The following SGCZ variants were observed in gnomAD, a reference collection of about 807,000 sequenced individuals.
SGCZ encodes the protein zeta-sarcoglycan.
SGCZ carries 40 observed loss-of-function variants against 41.3 expected under a neutral mutation model. That is an observed-to-expected ratio of 0.97 (90% CI 0.75 to 1.26). The LOEUF (loss-of-function observed/expected upper bound fraction) is 1.26, where lower values mean the gene tolerates loss of function less well. Among genes scored for constraint, SGCZ ranks in the 50% most tolerant of loss-of-function variants. SGCZ has a pLI of 0.00. For synonymous variants in SGCZ, 206 were observed against 137.5 expected (o/e 1.50, Z -3.49); for missense variants, 552 against 369.8 (o/e 1.49, Z -4.04).
chr8:14,822,280 A>G (rs1216395666), intron 1 of SGCZ, among the ~76,000 whole-genome samples: 1 of 152,160 alleles, frequency 6.6e-6, no homozygotes, highest in African/African-American at 2.4e-5. Context: ...AACTTATCCA[A>G]GGAGGTGAAA....
intron 1 of SGCZ, among the ~76,000 whole-genome samples, chr8:15,216,098 A>G (rs751408404): frequency 5.9e-5 from 9 of 152,050 alleles, no homozygotes; most frequent in African/African-American, 1.9e-4. Context: ...TCTGATACCC[A>G]TTACTATTAA....
intron 1 of SGCZ, among the ~76,000 whole-genome samples, chr8:14,760,042 T>G (rs1244656100): frequency 6.6e-6 from 1 of 152,204 alleles, no homozygotes; most frequent in African/African-American, 2.4e-5. Flanking sequence ...CTATTCTAAA[T>G]GCACAATTCC....
At chr8:14,500,135 G>A (rs1001843661) in intron 2 of SGCZ, among the ~76,000 whole-genome samples, 1 of 152,078 alleles carries the variant, frequency 6.6e-6, no homozygotes, top group Non-Finnish European at 1.5e-5. Context: ...CTTGGGCTGG[G>A]TAAAACTGCT....
intron 2 of SGCZ, among the ~76,000 whole-genome samples, chr8:14,399,576 C>A (rs1799016496): frequency 6.6e-6 from 1 of 152,112 alleles, no homozygotes; most frequent in African/African-American, 2.4e-5. Context: ...TTCCTTTAGA[C>A]AGACATTCTG....
chr8:15,097,971 T>C (rs1159015013), intron 1 of SGCZ, among the ~76,000 whole-genome samples: 2 of 150,266 alleles, frequency 1.3e-5, no homozygotes, highest in Non-Finnish European at 3.0e-5. Flanking sequence ...GAACTGGGTA[T>C]TGCTCTAGCA....
At chr8:14,156,741 A>G (rs1265344597) in intron 5 of SGCZ, among the ~76,000 whole-genome samples, 3 of 152,282 alleles carry the variant, frequency 2.0e-5, no homozygotes, top group East Asian at 3.9e-4. Flanking sequence ...CTAAACACCA[A>G]GAAAATACCC....
intron 3 of SGCZ, among the ~76,000 whole-genome samples, chr8:14,307,625 A>G (rs559414077): frequency 6.6e-6 from 1 of 152,168 alleles, no homozygotes; most frequent in Non-Finnish European, 1.5e-5. Flanking sequence ...GATGCTTGGT[A>G]TAAGAATTTT....
intron 2 of SGCZ, among the ~76,000 whole-genome samples, chr8:14,548,884 G>A (rs184680215): frequency 1.3e-4 from 20 of 152,160 alleles, no homozygotes; most frequent in East Asian, 9.7e-4. Context: ...GGTATTTGGC[G>A]GGAATTATGT....
At chr8:15,176,585 G>T (rs570834535) in intron 1 of SGCZ, among the ~76,000 whole-genome samples, 1 of 152,282 alleles carries the variant, frequency 6.6e-6, no homozygotes, top group Admixed American at 6.5e-5. Flanking sequence ...ATTATTTTAT[G>T]ATCAAACTCA....
At chr8:14,997,734 C>T (rs145203487) in intron 1 of SGCZ, among the ~76,000 whole-genome samples, 3,322 of 152,178 alleles carry the variant, frequency 0.022, 137 homozygotes, top group African/African-American at 0.075. Context: ...CCAAGGCAGG[C>T]GGACCACTTG....
rs138320875 is a variant in SGCZ, at chr8:14,934,430, A to T, written c.39+303155T>A. On this transcript the variant is annotated intron_variant, in intron 1 of 7. Coordinates refer to ENST00000382080, the MANE Select transcript of SGCZ (RefSeq NM_139167.4). ...GATTATTGAGCAAAGACCAAAGGGA[A>T]CTTCTAGTAATGAAAAAGTAGATTA... is the stretch of plus-strand genomic sequence containing the variant. 3.3e-4 allele frequency among the ~76,000 whole-genome samples: 50 copies of T among 152,070 alleles called. 1 individual carries two copies. In the South Asian group the frequency reaches 3.9e-3, roughly 12 times the overall value.
chr8:14,932,106 A>G (rs1332696341), intron 1 of SGCZ, among the ~76,000 whole-genome samples: 6 of 152,170 alleles, frequency 3.9e-5, no homozygotes, highest in African/African-American at 1.2e-4. Context: ...AATGTGACAT[A>G]TAAATTTTAC....
chr8:14,420,043 A>G (rs1184662736), intron 2 of SGCZ, among the ~76,000 whole-genome samples: 5 of 152,090 alleles, frequency 3.3e-5, no homozygotes, highest in Admixed American at 6.6e-5. Context: ...CCTTTCCAGT[A>G]TCTCCACTGT....
chr8:14,626,150 C>A (rs1299543688), intron 1 of SGCZ, among the ~76,000 whole-genome samples: 3 of 151,990 alleles, frequency 2.0e-5, no homozygotes, highest in Non-Finnish European at 4.4e-5. Flanking sequence ...TGTTTTATAT[C>A]ATTTTTATTT....
intron 2 of SGCZ, among the ~76,000 whole-genome samples, chr8:14,509,156 C>A (rs10110258): frequency 2.0e-5 from 3 of 152,008 alleles, no homozygotes; most frequent in African/African-American, 4.8e-5. Flanking sequence ...TAAATTTAGA[C>A]TAGATTTTTT....
chr8:15,107,921 G>C (rs1369155692), intron 1 of SGCZ, among the ~76,000 whole-genome samples: 1 of 152,102 alleles, frequency 6.6e-6, no homozygotes, highest in African/African-American at 2.4e-5. Context: ...ATTTGAATAG[G>C]CTTGAACAAA....
intron 4 of SGCZ, among the ~76,000 whole-genome samples, chr8:14,230,138 C>T (rs11988115): frequency 3.3e-5 from 5 of 151,916 alleles, no homozygotes; most frequent in African/African-American, 4.8e-5. Context: ...TATTGAGGAA[C>T]GTAAGGACCA....
At chr8:14,616,542 T>C (rs1186016294) in intron 1 of SGCZ, among the ~76,000 whole-genome samples, 2 of 152,126 alleles carry the variant, frequency 1.3e-5, no homozygotes, top group East Asian at 1.9e-4. Context: ...CAAATGTAAA[T>C]TTTATATGAT....
At chr8:14,412,880 A>G (rs556236261) in intron 2 of SGCZ, among the ~76,000 whole-genome samples, 12 of 152,134 alleles carry the variant, frequency 7.9e-5, no homozygotes, top group African/African-American at 2.6e-4. Flanking sequence ...CAAATAATAA[A>G]TATTTGTCTG....
Sources: allele counts gnomAD v4.1 joint callset (sites outside exome capture counted in the v4.1 genomes callset), GRCh38; gene constraint gnomAD v4.1.1; transcripts MANE v1.5; gene names NCBI Gene and HGNC (gene_info 2026-07-23, HGNC 2026-07-21).